The following MACROD2 variants were observed in gnomAD, a reference collection of about 807,000 sequenced individuals.
MACROD2 encodes the protein mono-ADP ribosylhydrolase 2.
A neutral mutation model predicts 70.4 loss-of-function variants in MACROD2; 36 were observed. That is an observed-to-expected ratio of 0.51 (90% CI 0.39 to 0.68). The LOEUF (loss-of-function observed/expected upper bound fraction) is 0.68, where lower values mean the gene tolerates loss of function less well. Among genes scored for constraint, MACROD2 ranks in the 30% least tolerant of loss-of-function variants. The pLI is 0.00. For missense variants in MACROD2, 496 were observed against 538.4 expected (o/e 0.92, Z 0.78); for synonymous variants, 172 against 178.8 (o/e 0.96, Z 0.30).
At chr20:14,616,065 T>C (rs1049721686) in intron 4 of MACROD2, among the ~76,000 whole-genome samples, 1 of 152,146 alleles carries the variant, frequency 6.6e-6, no homozygotes, top group Admixed American at 6.5e-5. Context: ...AAGGTTTTTA[T>C]AGAGCATTGA....
chr20:15,227,830 T>TTTGTTG lies in MACROD2; in HGVS notation c.419-2108_419-2107insGTTGTT, dbSNP rs557209617. Among the ~76,000 whole-genome samples the TTTGTTG allele has an allele frequency of 3.3e-4, 40 of 121,882 alleles. 1 individual carries two copies. Among genetic ancestry groups the TTTGTTG allele is most frequent in the African/African-American group, 4.2e-4 (13 of 30,976 alleles). The allele number at this position is 121,882 out of a possible 152,430, so 80.0% of individuals were successfully genotyped here. On this transcript the variant is annotated intron_variant, in intron 5 of 17. Coordinates refer to ENST00000684519, the MANE Select transcript of MACROD2 (RefSeq NM_001351661.2). Reference sequence around the variant, plus strand: ...TGTGATAGAATTTCACCTGTTTTTTTTTTTTTTTTTTTTTTTTTTCAAATT... The same window carrying TTTGTTG: ...TGTGATAGAATTTCACCTGTTTTTTTTTGTTGTTTTTTTTTTTTTTTTTTTCAAATT...
At chr20:14,229,272 G>A (rs1297149600) in intron 3 of MACROD2, among the ~76,000 whole-genome samples, 2 of 152,130 alleles carry the variant, frequency 1.3e-5, no homozygotes, top group Admixed American at 6.5e-5. Flanking sequence ...ACACTGTTAA[G>A]AGAACGAAAA....
intron 4 of MACROD2, among the ~76,000 whole-genome samples, chr20:14,614,127 C>T (rs1346472501): frequency 2.0e-5 from 3 of 152,046 alleles, no homozygotes; most frequent in Non-Finnish European, 4.4e-5. Flanking sequence ...AATTCGGAGC[C>T]TGAGTTTTGG....
intron 10 of MACROD2, among the ~76,000 whole-genome samples, chr20:15,904,184 GTGTT>G (rs879364115): frequency 5.9e-5 from 9 of 152,154 alleles, no homozygotes; most frequent in Non-Finnish European, 8.8e-5. Flanking sequence ...TTTTTAATTT[GTGTT>G]TGTTTGTTTT....
chr20:15,544,321 C>G (rs1310072450), intron 8 of MACROD2, among the ~76,000 whole-genome samples: 1 of 152,144 alleles, frequency 6.6e-6, no homozygotes, highest in Non-Finnish European at 1.5e-5. Flanking sequence ...ATAAAATAAC[C>G]TGGATGCTTA....
At chr20:14,838,754 TAAAAG>T (rs2073056807) in intron 5 of MACROD2, among the ~76,000 whole-genome samples, 1 of 152,040 alleles carries the variant, frequency 6.6e-6, no homozygotes, top group African/African-American at 2.4e-5. Context: ...GTTTGTAAGA[TAAAAG>T]AGAGAAACCA....
At chr20:14,511,535 G>A (rs1394084023) in intron 4 of MACROD2, among the ~76,000 whole-genome samples, 1 of 151,858 alleles carries the variant, frequency 6.6e-6, no homozygotes, top group Non-Finnish European at 1.5e-5. Flanking sequence ...AAATGGCTTC[G>A]ATGGCTTCAT....
chr20:14,363,816 C>CA (rs569929488), intron 3 of MACROD2, among the ~76,000 whole-genome samples: 1,305 of 71,554 alleles, frequency 0.018, 75 homozygotes, highest in East Asian at 0.035. Flanking sequence ...GACTCTGTCT[C>CA]AAAAAAAAAA....
intron 5 of MACROD2, among the ~76,000 whole-genome samples, chr20:15,187,623 A>G (rs1327095758): frequency 6.6e-6 from 1 of 152,188 alleles, no homozygotes; most frequent in Non-Finnish European, 1.5e-5. Context: ...ATTTTCCTTC[A>G]GTGCCTTTGA....
intron 6 of MACROD2, among the ~76,000 whole-genome samples, chr20:15,240,224 A>T (rs180839254): frequency 1.7e-3 from 265 of 152,250 alleles, no homozygotes; most frequent in South Asian, 0.017. Context: ...ATCATATAGC[A>T]TGTCTTAGAG....
At chr20:14,442,617 T>G in intron 3 of MACROD2, among the ~76,000 whole-genome samples, 1 of 152,112 alleles carries the variant, frequency 6.6e-6, no homozygotes, top group South Asian at 2.1e-4. Context: ...GCCAGCTGCC[T>G]TCACACTGGA....
intron 3 of MACROD2, among the ~76,000 whole-genome samples, chr20:14,394,896 G>C (rs1162281915): frequency 6.6e-6 from 1 of 151,922 alleles, no homozygotes; most frequent in East Asian, 1.9e-4. Context: ...GAATTATATG[G>C]GTTGACCTTT....
chr20:15,467,220 C>T (rs1415979891), intron 7 of MACROD2, among the ~76,000 whole-genome samples: 2 of 152,234 alleles, frequency 1.3e-5, no homozygotes, highest in African/African-American at 4.8e-5. Context: ...GATAAGTACC[C>T]ATCTCCTTTG....
intron 5 of MACROD2, among the ~76,000 whole-genome samples, chr20:15,112,950 CTG>C (rs11467446): frequency 0.53 from 76,897 of 145,960 alleles, 20,149 homozygotes; most frequent in Admixed American, 0.61. Flanking sequence ...TAATATTTCA[CTG>C]TGTGTGTGTG....
intron 3 of MACROD2, among the ~76,000 whole-genome samples, chr20:14,401,090 C>G (rs1367990195): frequency 1.3e-5 from 2 of 152,114 alleles, no homozygotes; most frequent in African/African-American, 4.8e-5. Context: ...TTTTCGTGTT[C>G]TTCAAATCAA....
intron 3 of MACROD2, among the ~76,000 whole-genome samples, chr20:14,190,299 G>C (rs1311163841): frequency 6.6e-6 from 1 of 152,142 alleles, no homozygotes; most frequent in East Asian, 1.9e-4. Flanking sequence ...ACATTTAAAT[G>C]ATAGATTTTA....
chr20:15,169,894 T>C (rs2076411225), intron 5 of MACROD2, among the ~76,000 whole-genome samples: 1 of 152,226 alleles, frequency 6.6e-6, no homozygotes, highest in Admixed American at 6.5e-5. Context: ...TCTATGATGG[T>C]TTTGTTGTCA....
intron 4 of MACROD2, among the ~76,000 whole-genome samples, chr20:14,507,703 G>A (rs2084984463): frequency 1.3e-5 from 2 of 152,136 alleles, no homozygotes; most frequent in Admixed American, 1.3e-4. Flanking sequence ...TTAAAGGAAA[G>A]TGCCACAACA....
chr20:16,037,691 C>A (rs2067253495), intron 15 of MACROD2, among the ~76,000 whole-genome samples: 1 of 151,870 alleles, frequency 6.6e-6, no homozygotes, highest in African/African-American at 2.4e-5. Flanking sequence ...AAATGACCAG[C>A]CACAATATCC....
Sources: allele counts gnomAD v4.1 joint callset (sites outside exome capture counted in the v4.1 genomes callset), GRCh38; gene constraint gnomAD v4.1.1; transcripts MANE v1.5; gene names NCBI Gene and HGNC (gene_info 2026-07-23, HGNC 2026-07-21).